Variants in NCAM1 observed in about 807,000 individuals in gnomAD.
The protein encoded by NCAM1 is neural cell adhesion molecule 1, also known as antigen recognized by monoclonal antibody 5.1H11.
In NCAM1, 14 loss-of-function variants were observed where a neutral mutation model predicts 109.8. The observed-to-expected ratio is 0.13, with a 90% CI of 0.08 to 0.20. NCAM1 has a LOEUF of 0.20. Among genes scored for constraint, NCAM1 ranks in the 10% least tolerant of loss-of-function variants. NCAM1 has a pLI of 1.00. For synonymous variants in NCAM1, 418 were observed against 442.9 expected, an observed-to-expected ratio of 0.94 and a Z score of 0.70; for missense variants, 774 against 1,109.9, an observed-to-expected ratio of 0.70 and a Z score of 4.30.
At chr11:113,139,867 A>G (rs1371116034) in intron 1 of NCAM1, among the ~76,000 whole-genome samples, 1 of 152,240 alleles carries the variant, frequency 6.6e-6, no homozygotes, top group Non-Finnish European at 1.5e-5. Context: ...ATATTCAATT[A>G]AAAACTTGTA....
At chr11:113,200,360 G>A (rs1944011401) in intron 1 of NCAM1, among the ~76,000 whole-genome samples, 1 of 152,196 alleles carries the variant, frequency 6.6e-6, no homozygotes, top group African/African-American at 2.4e-5. Flanking sequence ...AGCTCTCTTT[G>A]TAAGGCTCCA....
chr11:113,070,015 G>A (rs1371793322), intron 1 of NCAM1, among the ~76,000 whole-genome samples: 1 of 152,124 alleles, frequency 6.6e-6, no homozygotes, highest in Non-Finnish European at 1.5e-5. Context: ...CAAGCTCTGG[G>A]TTGGAGATGT....
intron 17 of NCAM1, chr11:113,263,293 C>A: frequency 2.0e-6 from 2 of 1,017,844 alleles, no homozygotes; most frequent in Non-Finnish European, 2.4e-6. Context: ...AGGAAGAATT[C>A]TAAGTACCTT....
chr11:113,260,166 A>G lies in NCAM1; in HGVS notation c.1974A>G (p.Pro658=). The stretch of plus-strand genomic sequence containing the variant: ...AGAAGCTCTCCTCCGAGTGGAAACC[A>G]GAGATCAGGCTCCCGTCTGGCAGTG... ...RYRALSSEWK[P]EIRLPSGSDH... is the part of the protein sequence containing the mutation. Residue 658 remains proline (P), a synonymous_variant, in exon 17 of 20, where the codon CCA becomes CCG. Transcript: ENST00000316851. 1 of 1,612,608 alleles carries G rather than the reference A, an allele frequency of 6.2e-7. No individual in the cohort carries two copies. Among genetic ancestry groups the G allele is most frequent in the South Asian group, 1.1e-5 (1 of 90,714 alleles).
chr11:113,253,340 T>C (rs1279217761), intron 15 of NCAM1, among the ~76,000 whole-genome samples: 2 of 152,148 alleles, frequency 1.3e-5, no homozygotes, highest in South Asian at 4.1e-4. Flanking sequence ...TTGGAGTGCA[T>C]CTCCCTAAAA....
chr11:113,202,238 CT>C, intron 1 of NCAM1, 140 bp from the exon 2 acceptor site: 1 of 854,480 alleles, frequency 1.2e-6, no homozygotes, highest in Non-Finnish European at 1.8e-6. Flanking sequence ...TCCCTTCACT[CT>C]TTCTTAAAGT....
At chr11:113,242,054 T>G (rs1486661588) in intron 14 of NCAM1, among the ~76,000 whole-genome samples, 1 of 152,218 alleles carries the variant, frequency 6.6e-6, no homozygotes, top group African/African-American at 2.4e-5. Context: ...TTCTTCCGCC[T>G]GAAGCTCCAT....
At chr11:113,067,198 A>G (rs958795687) in intron 1 of NCAM1, among the ~76,000 whole-genome samples, 4 of 152,162 alleles carry the variant, frequency 2.6e-5, no homozygotes, top group Non-Finnish European at 5.9e-5. Flanking sequence ...GAATTTCAAT[A>G]AATAGCAAAG....
chr11:113,048,495 A>G (rs1242884627), intron 1 of NCAM1, among the ~76,000 whole-genome samples: 1 of 152,206 alleles, frequency 6.6e-6, no homozygotes, highest in Non-Finnish European at 1.5e-5. Context: ...TCCCTTGTGG[A>G]CACGGATGTC....
Position 113,112,977 on chromosome 11 carries a change from C to G in NCAM1, c.53-89402C>G, listed in dbSNP as rs1013985719. Among the ~76,000 whole-genome samples the G allele has an allele frequency of 7.2e-5, 11 of 152,048 alleles. 1 individual carries two copies. In the South Asian group the frequency reaches 2.3e-3, roughly 32 times the overall value. ...TGAAACCCCGTCTCTACTAAAAATA[C>G]AAAAATTAGACAGGCATGGGGGTGT... is the stretch of plus-strand genomic sequence containing the variant. On this transcript the variant is annotated intron_variant, in intron 1 of 19. Transcript: ENST00000316851.
Position 113,260,220 on chromosome 11 carries a change from G to T in NCAM1, c.2028G>T (p.Trp676Cys). ...SDHVMLKSLD[W>C]NAEYEVYVVA... ...ACGTCATGCTGAAGTCCCTGGACTG[G>T]AATGCTGAGTATGAGGTCTACGTGG... The change falls in exon 17 of 20, where the codon TGG becomes TGT. Residue 676 changes from tryptophan to cysteine, a missense_variant. Physicochemically the swap from Trp to Cys is radical, Grantham distance 215. Transcript: ENST00000316851. The T allele has an allele frequency of 6.2e-7, 1 of 1,614,022 alleles. No homozygotes were observed. The highest frequency in any genetic ancestry group is 8.5e-7 in the Non-Finnish European group (1 of 1,179,896).
intron 1 of NCAM1, among the ~76,000 whole-genome samples, chr11:113,088,190 C>A (rs529490701): frequency 1.8e-3 from 281 of 152,238 alleles, no homozygotes; most frequent in Admixed American, 4.1e-3. Flanking sequence ...GAGAGAAATA[C>A]CACAAGCTTT....
At chr11:113,143,263 G>A (rs1941895776) in intron 1 of NCAM1, among the ~76,000 whole-genome samples, 1 of 152,164 alleles carries the variant, frequency 6.6e-6, no homozygotes, top group Non-Finnish European at 1.5e-5. Flanking sequence ...TTAGAATTTA[G>A]GCTTTTGTTG....
intron 1 of NCAM1, among the ~76,000 whole-genome samples, chr11:113,049,339 G>A (rs957748397): frequency 6.6e-6 from 1 of 152,042 alleles, no homozygotes; most frequent in Non-Finnish European, 1.5e-5. Flanking sequence ...CCTGATCTTA[G>A]GTAATTTCTT....
intron 2 of NCAM1, 134 bp downstream of exon 2, chr11:113,202,587 C>A: frequency 4.3e-6 from 3 of 692,870 alleles, no homozygotes; most frequent in Non-Finnish European, 4.5e-6. Flanking sequence ...ATTACAGGGT[C>A]AATAGTATGG....
intron 1 of NCAM1, among the ~76,000 whole-genome samples, chr11:113,113,075 T>C (rs1390821231): frequency 1.3e-5 from 2 of 152,064 alleles, no homozygotes; most frequent in Admixed American, 6.6e-5. Context: ...GAGGTTGCAG[T>C]GAGCCGATAT....
chr11:113,252,477 A>G (rs1358976166), intron 15 of NCAM1, among the ~76,000 whole-genome samples: 1 of 151,896 alleles, frequency 6.6e-6, no homozygotes, highest in East Asian at 1.9e-4. Flanking sequence ...TTTTAAAAGA[A>G]TTAATCATAA....
intron 1 of NCAM1, among the ~76,000 whole-genome samples, chr11:113,185,294 TC>T (rs1476909308): frequency 6.6e-6 from 1 of 151,802 alleles, no homozygotes; most frequent in African/African-American, 2.4e-5. Flanking sequence ...AAAACCAATG[TC>T]CCAGCTCAAA....
chr11:113,113,260 AT>A (rs1555094118), intron 1 of NCAM1, among the ~76,000 whole-genome samples: 10 of 152,210 alleles, frequency 6.6e-5, no homozygotes, highest in Admixed American at 1.3e-4. Flanking sequence ...TTCTTTTTAG[AT>A]AAACCCATAG....
Sources: gnomAD v4.1 joint callset for allele counts (sites outside exome capture counted in the v4.1 genomes callset) on GRCh38, gnomAD v4.1.1 for gene constraint, MANE v1.5 for transcripts, NCBI Gene and HGNC (gene_info 2026-07-23, HGNC 2026-07-21) for gene names.